CHSY3: variants seen among roughly 807,000 people sequenced by gnomAD.
CHSY3 encodes N-acetylgalactosaminyl-proteoglycan 3-beta-glucuronosyltransferase 3.
In CHSY3, 35 loss-of-function variants were observed where a neutral mutation model predicts 67.2. The ratio of observed to expected loss-of-function variants is 0.52; its 90% CI spans 0.40 to 0.69. The LOEUF (loss-of-function observed/expected upper bound fraction) is 0.69. Among genes scored for constraint, CHSY3 ranks in the 30% least tolerant of loss-of-function variants. CHSY3 has a pLI of 0.00. For missense variants in CHSY3, 1,069 were observed against 1,138.5 expected (o/e 0.94, Z 0.88); for synonymous variants, 474 against 434.7 (o/e 1.09, Z -1.12).
At chr5:129,989,262 CTT>C (rs10632773) in intron 2 of CHSY3, among the ~76,000 whole-genome samples, 9 of 138,290 alleles carry the variant, frequency 6.5e-5, no homozygotes, top group Non-Finnish European at 6.2e-5. Context: ...CAAACTTGTT[CTT>C]TTTTTTTTTT....
chr5:130,093,344 C>T (rs892318818), intron 2 of CHSY3, among the ~76,000 whole-genome samples: 2 of 152,072 alleles, frequency 1.3e-5, no homozygotes, highest in African/African-American at 4.8e-5. Flanking sequence ...AGCACAAGTA[C>T]TGTTTAGTTT....
chr5:130,053,857 G>A (rs1214499716), intron 2 of CHSY3, among the ~76,000 whole-genome samples: 1 of 152,050 alleles, frequency 6.6e-6, no homozygotes, highest in African/African-American at 2.4e-5. Context: ...TAATTTTGAG[G>A]TGCTCAAAAA....
At chr5:130,125,800 GCTA>G (rs1226521215) in intron 2 of CHSY3, among the ~76,000 whole-genome samples, 2 of 152,098 alleles carry the variant, frequency 1.3e-5, no homozygotes, top group African/African-American at 4.8e-5. Flanking sequence ...CATAAGAATG[GCTA>G]CTAAGATTTC....
In CHSY3 at chr5:130,120,824, G is replaced by T. The variant is rs148350932; in HGVS notation, c.1087-63405G>T. Among the ~76,000 whole-genome samples the T allele has an allele frequency of 6.1e-3, 936 of 152,256 alleles. 10 individuals are homozygous for T. Among genetic ancestry groups the T allele is most frequent in the African/African-American group, 0.022 (907 of 41,540 alleles). On this transcript the variant is annotated intron_variant, in intron 2 of 2. Transcript: ENST00000305031. ...AACATTACTATTTCAGGGACACACCGTAAAAGCTGGTGGTTGCACAGAGCA... is the reference window on the plus strand; with the variant it reads ...AACATTACTATTTCAGGGACACACCTTAAAAGCTGGTGGTTGCACAGAGCA...
chr5:130,065,258 A>G (rs1043750198), intron 2 of CHSY3, among the ~76,000 whole-genome samples: 1 of 152,148 alleles, frequency 6.6e-6, no homozygotes. Flanking sequence ...GCTAGGTAAT[A>G]GCAACTTTGA....
chr5:130,125,181 C>T (rs1768225536), intron 2 of CHSY3, among the ~76,000 whole-genome samples: 2 of 152,130 alleles, frequency 1.3e-5, no homozygotes, highest in South Asian at 4.1e-4. Context: ...GTCCTTAAGA[C>T]ACTGTCCTGC....
At chr5:130,172,315 CTTTTCTTTTCTT>C (rs1561569340) in intron 2 of CHSY3, among the ~76,000 whole-genome samples, 5 of 16,982 alleles carry the variant, frequency 2.9e-4, no homozygotes, top group Admixed American at 1.7e-3. Flanking sequence ...TTTTTCTTTT[CTTTTCTTTTCTT>C]TTTTTTTTTT....
At position 130,184,965 on chromosome 5, in the gene CHSY3, A is replaced by G; in HGVS notation, c.1823A>G (p.Gln608Arg). ...SNSLKILSSF[Q>R]GAKEMGGHNE... is the part of the protein sequence containing the mutation. ...TCTTTAAAGATATTATCTTCTTTTC[A>G]AGGTGCCAAAGAAATGGGAGGGCAC... The change falls in exon 3 of 3, where the codon CAA becomes CGA. Residue 608 changes from glutamine to arginine, a missense_variant. Around this residue, in one of 5 missense-constraint regions of CHSY3, gnomAD observed 401 missense variants for 395.2 expected, o/e 1.01. Coordinates refer to ENST00000305031, the MANE Select transcript of CHSY3 (RefSeq NM_175856.5). 5 of 1,563,230 alleles carry G rather than the reference A, an allele frequency of 3.2e-6. No homozygotes were observed. Among genetic ancestry groups the G allele is most frequent in the Non-Finnish European group, 4.4e-6 (5 of 1,133,998 alleles).
chr5:130,018,990 G>A (rs1054897212), intron 2 of CHSY3, among the ~76,000 whole-genome samples: 4 of 152,072 alleles, frequency 2.6e-5, no homozygotes, highest in Admixed American at 1.3e-4. Context: ...TTTTGATGCC[G>A]CCCAAAGACC....
chr5:130,044,529 G>A (rs563935404), intron 2 of CHSY3, among the ~76,000 whole-genome samples: 75 of 152,230 alleles, frequency 4.9e-4, no homozygotes, highest in African/African-American at 1.7e-3. Flanking sequence ...GAGAGAATAT[G>A]AAGTCAAAGA....
At chr5:130,020,461 A>ATATATTTTT (rs1371121130) in intron 2 of CHSY3, among the ~76,000 whole-genome samples, 1 of 79,932 alleles carries the variant, frequency 1.3e-5, no homozygotes, top group African/African-American at 6.1e-5. Context: ...ATATATATAT[A>ATATATTTTT]TTTTTTTTTT....
intron 2 of CHSY3, among the ~76,000 whole-genome samples, chr5:130,131,372 T>C (rs1321521485): frequency 6.6e-6 from 1 of 152,122 alleles, no homozygotes. Flanking sequence ...CCACTCAACT[T>C]TCCATATAGA....
intron 2 of CHSY3, among the ~76,000 whole-genome samples, chr5:130,162,701 A>G (rs1166570816): frequency 1.3e-5 from 2 of 152,066 alleles, no homozygotes; most frequent in African/African-American, 2.4e-5. Context: ...CACCTGGCTC[A>G]TATCTTTTTT....
At chr5:130,160,909 ATTT>A (rs760822099) in intron 2 of CHSY3, among the ~76,000 whole-genome samples, 1 of 136,206 alleles carries the variant, frequency 7.3e-6, no homozygotes, top group African/African-American at 3.0e-5. Context: ...TTTTTTTTTT[ATTT>A]TTTTTTTTTT....
At chr5:130,139,417 A>C (rs1453863805) in intron 2 of CHSY3, among the ~76,000 whole-genome samples, 1 of 152,252 alleles carries the variant, frequency 6.6e-6, no homozygotes, top group Non-Finnish European at 1.5e-5. Flanking sequence ...TTAGCCGGAC[A>C]TGAAGTCTAT....
intron 2 of CHSY3, among the ~76,000 whole-genome samples, chr5:130,037,274 C>T (rs549485776): frequency 3.3e-5 from 5 of 152,092 alleles, no homozygotes; most frequent in Admixed American, 1.3e-4. Context: ...CAGCTGAGGC[C>T]CTTGATGGGC....
At chr5:130,004,884 G>A (rs1763828414) in intron 2 of CHSY3, among the ~76,000 whole-genome samples, 2 of 151,258 alleles carry the variant, frequency 1.3e-5, no homozygotes, top group Non-Finnish European at 2.9e-5. Context: ...ATATTATTTT[G>A]GATGCTGCAA....
chr5:130,001,623 T>C, intron 2 of CHSY3: 1 of 861,484 alleles, frequency 1.2e-6, no homozygotes, highest in Non-Finnish European at 1.4e-6. Context: ...TATGTGTTGT[T>C]GCTTCTAGTT....
At chr5:130,062,982 G>A (rs1050266777) in intron 2 of CHSY3, among the ~76,000 whole-genome samples, 9 of 151,922 alleles carry the variant, frequency 5.9e-5, no homozygotes, top group African/African-American at 2.2e-4. Flanking sequence ...ATAGCTCCTG[G>A]ATTTTGTTGA....
Sources: gnomAD v4.1 joint callset for allele counts (sites outside exome capture counted in the v4.1 genomes callset) on GRCh38, gnomAD v4.1.1 for gene constraint, gnomAD v4.1.1 regional missense constraint, MANE v1.5 for transcripts, NCBI Gene and HGNC (gene_info 2026-07-23, HGNC 2026-07-21) for gene names.